Variants in COL28A1 observed in about 807,000 individuals in gnomAD.
COL28A1 encodes collagen type XXVIII alpha 1 chain, also known as collagen alpha-1(XXVIII) chain.
A neutral mutation model predicts 150.2 loss-of-function variants in COL28A1; 161 were observed. That is an observed-to-expected ratio of 1.07 (90% CI 0.94 to 1.22). The LOEUF is 1.22. COL28A1 is among the 50% of genes most tolerant of loss of function. The probability of loss-of-function intolerance (pLI) is 0.00; values close to 1 mark genes in which losing one functional copy is unlikely to be tolerated. For synonymous variants in COL28A1, 552 were observed against 469.7 expected, an observed-to-expected ratio of 1.18 and a Z score of -2.26; for missense variants, 1,617 against 1,388.3, an observed-to-expected ratio of 1.16 and a Z score of -2.62.
In COL28A1 at chr7:7,458,435, AAAAC is replaced by A. The variant is rs896511003; in HGVS notation, c.1303-2327_1303-2324del. ...CTTGTCTCAAAAAAAAACAAAACAA[AAAAC>A]AAACAAACAAAAAAAACAAACAAAA... On this transcript the variant is annotated intron_variant, in intron 15 of 34. Coordinates refer to ENST00000399429, the MANE Select transcript of COL28A1 (RefSeq NM_001037763.3). Among the ~76,000 whole-genome samples the A allele has an allele frequency of 7.2e-5, 11 of 152,144 alleles. No homozygotes were observed. In the East Asian group the frequency reaches 1.4e-3, roughly 19 times the overall value.
chr7:7,375,421 GATGCT>G, intron 31 of COL28A1, 35 bp downstream of exon 31: 2 of 1,546,630 alleles, frequency 1.3e-6, no homozygotes, highest in Non-Finnish European at 1.8e-6. Context: ...TAGTGGGGCT[GATGCT>G]TTAAAGTGAT....
In COL28A1 at chr7:7,524,257, G is replaced by C. The variant is rs1379532883; in HGVS notation, c.682-8C>G. ...CTTTTCAAATAAGATATCCTACAAG[G>C]GAAAAAAGAATGAAGCATTAACTCG... On this transcript the variant is annotated splice_region_variant and splice_polypyrimidine_tract_variant and intron_variant, in intron 3 of 34. Transcript: ENST00000399429. 1.5e-5 allele frequency: 20 copies of C among 1,342,142 alleles called. No individual in the cohort carries two copies. Among genetic ancestry groups the C allele is most frequent in the Non-Finnish European group, 1.9e-5 (18 of 933,276 alleles). The allele number at this position is 1,342,142 out of a possible 1,614,324, so 83.1% of individuals were successfully genotyped here.
chr7:7,507,777 CAT>C (rs1365652996), intron 9 of COL28A1, among the ~76,000 whole-genome samples: 1 of 151,786 alleles, frequency 6.6e-6, no homozygotes, highest in African/African-American at 2.4e-5. Context: ...ATTATAGAAA[CAT>C]ATAAATAAAC....
downstream of COL28A1, chr7:7,356,657 C>T (rs1483726152): frequency 6.7e-6 from 1 of 150,012 alleles, no homozygotes; most frequent in Non-Finnish European, 1.5e-5. Context: ...AACACATGGA[C>T]ACAGGAAGGG....
chr7:7,463,930 A>T (rs1331856480), intron 15 of COL28A1, among the ~76,000 whole-genome samples: 1 of 152,214 alleles, frequency 6.6e-6, no homozygotes, highest in Non-Finnish European at 1.5e-5. Context: ...CTAACACATA[A>T]GGACTCACTT....
chr7:7,485,544 G>A (rs554215096), intron 13 of COL28A1, among the ~76,000 whole-genome samples: 9 of 152,188 alleles, frequency 5.9e-5, no homozygotes, highest in South Asian at 2.1e-4. Context: ...TCAAGCCCAC[G>A]ATCCTAAAGA....
At chr7:7,382,956 A>C (rs182853473) in intron 27 of COL28A1, among the ~76,000 whole-genome samples, 8 of 152,254 alleles carry the variant, frequency 5.3e-5, no homozygotes, top group African/African-American at 1.7e-4. Flanking sequence ...GCACCTCAAC[A>C]TCCCTAAGCC....
At position 7,477,128 on chromosome 7, in the gene COL28A1, C is replaced by A; in HGVS notation, c.1217G>T (p.Gly406Val). 7.7e-7 allele frequency: 1 copy of A among 1,302,174 alleles called. No homozygotes were observed. The highest frequency in any genetic ancestry group is 1.8e-4 in the Middle Eastern group (1 of 5,486). 80.7% of individuals were successfully genotyped at this position (1,302,174 alleles called of 1,614,324 possible). The change falls in exon 14 of 35, where the codon GGA becomes GTA. Residue 406 changes from glycine to valine, a missense_variant. By Grantham distance (109) the Gly-to-Val change is moderately radical (BLOSUM62 -3). Transcript: ENST00000399429. ...VPGERGLPGE[G>V]FPGPKGEKGS... ...TATTGTTACCTTTGGTCCTGGAAAT[C>A]CTTCTCCGGGTAAGCCCCTCTCTCC...
At chr7:7,484,202 C>G (rs1221434163) in intron 13 of COL28A1, among the ~76,000 whole-genome samples, 1 of 151,848 alleles carries the variant, frequency 6.6e-6, no homozygotes, top group Non-Finnish European at 1.5e-5. Flanking sequence ...ATTGCAAAAG[C>G]AGCCTAAAGC....
chr7:7,432,747 A>T, intron 23 of COL28A1, 47 bp from the exon 24 acceptor site: 1 of 1,466,102 alleles, frequency 6.8e-7, no homozygotes, highest in Non-Finnish European at 9.6e-7. Context: ...CAACTAGAAA[A>T]CACCTGGTCA....
chr7:7,483,195 TC>T (rs1779442833), intron 13 of COL28A1, among the ~76,000 whole-genome samples: 1 of 152,196 alleles, frequency 6.6e-6, no homozygotes, highest in Non-Finnish European at 1.5e-5. Context: ...TGCGTTTGCA[TC>T]CTCATAAAGT....
At chr7:7,521,207 A>C (rs2115196516) in intron 5 of COL28A1, among the ~76,000 whole-genome samples, 1 of 152,352 alleles carries the variant, frequency 6.6e-6, no homozygotes, top group South Asian at 2.1e-4. Context: ...TGAATGCTTT[A>C]TGAAGATAAA....
intron 8 of COL28A1, chr7:7,511,859 T>C (rs1387071064): frequency 4.3e-6 from 2 of 467,782 alleles, no homozygotes; most frequent in African/African-American, 2.0e-5. Context: ...AAAAACAACA[T>C]TTGAGTTATT....
chr7:7,374,600 C>T (rs934624153), intron 31 of COL28A1, among the ~76,000 whole-genome samples: 2 of 152,148 alleles, frequency 1.3e-5, no homozygotes, highest in African/African-American at 4.8e-5. Context: ...CCAGAGTCAT[C>T]AGGAAATATA....
At chr7:7,460,618 G>T (rs1285082526) in intron 15 of COL28A1, among the ~76,000 whole-genome samples, 1 of 151,894 alleles carries the variant, frequency 6.6e-6, no homozygotes, top group Non-Finnish European at 1.5e-5. Context: ...TCCTGACCTC[G>T]TGATCCGCCC....
At chr7:7,504,587 C>A (rs978964800) in intron 11 of COL28A1, among the ~76,000 whole-genome samples, 1 of 152,166 alleles carries the variant, frequency 6.6e-6, no homozygotes, top group Non-Finnish European at 1.5e-5. Context: ...CCACAACTGC[C>A]AGCCACGACC....
intron 11 of COL28A1, among the ~76,000 whole-genome samples, chr7:7,503,803 A>C (rs769266440): frequency 3.9e-5 from 6 of 152,204 alleles, no homozygotes; most frequent in Non-Finnish European, 8.8e-5. Flanking sequence ...TTAAACCAGA[A>C]CTATGACTAG....
chr7:7,478,151 A>T (rs1470909814), intron 13 of COL28A1, among the ~76,000 whole-genome samples: 1 of 152,164 alleles, frequency 6.6e-6, no homozygotes, highest in Non-Finnish European at 1.5e-5. Flanking sequence ...TTAACTAGAT[A>T]CAGAGTGCCG....
intron 21 of COL28A1, 112 bp downstream of exon 21, chr7:7,440,678 A>G (rs1349079097): frequency 1.8e-6 from 1 of 563,778 alleles, no homozygotes; most frequent in Non-Finnish European, 3.3e-6. Context: ...TTTGTTTTGT[A>G]CTTGTTGGGA....
Sources: allele counts gnomAD v4.1 joint callset (sites outside exome capture counted in the v4.1 genomes callset), GRCh38; gene constraint gnomAD v4.1.1; transcripts MANE v1.5; gene names NCBI Gene and HGNC (gene_info 2026-07-23, HGNC 2026-07-21).